GNA12: variants seen among roughly 807,000 people sequenced by gnomAD.
GNA12 encodes the protein guanine nucleotide-binding protein subunit alpha-12.
Under a neutral mutation model 26.0 loss-of-function variants are expected in GNA12, and 9 were observed. That is an observed-to-expected ratio of 0.35 (90% confidence interval 0.21 to 0.60). The LOEUF (loss-of-function observed/expected upper bound fraction) is 0.60, where lower values mean the gene tolerates loss of function less well. Among genes scored for constraint, GNA12 ranks in the 20% least tolerant of loss-of-function variants. The pLI is 0.78. For missense variants in GNA12, 405 were observed against 525.8 expected (o/e 0.77, Z 2.25); for synonymous variants, 264 against 219.6 (o/e 1.20, Z -1.79).
intron 1 of GNA12, among the ~76,000 whole-genome samples, chr7:2,822,946 T>A (rs1583309621): frequency 6.6e-6 from 1 of 152,214 alleles, no homozygotes; most frequent in African/African-American, 2.4e-5. Flanking sequence ...CTAGATTCAC[T>A]ATCAGTCCTC....
At chr7:2,739,583 G>C (rs1790395655) in intron 2 of GNA12, among the ~76,000 whole-genome samples, 1 of 152,206 alleles carries the variant, frequency 6.6e-6, no homozygotes, top group Non-Finnish European at 1.5e-5. Context: ...GTTGTGAACA[G>C]TGCTACAAAC....
chr7:2,738,931 G>A (rs953320564), intron 2 of GNA12, among the ~76,000 whole-genome samples: 13 of 151,992 alleles, frequency 8.6e-5, no homozygotes, highest in East Asian at 7.8e-4. Flanking sequence ...GTGTAGCCTC[G>A]TGGCTGTGCC....
Position 2,830,278 on chromosome 7 carries a change from T to C in GNA12, c.309+13575A>G, listed in dbSNP as rs982979181. On this transcript the variant is annotated intron_variant, in intron 1 of 3. Transcript: ENST00000275364. ...GCCTTGGGTGCTGTGTTCATGCTCATACGAGTCTCAATATTTCTTCCTCTG... is the reference window on the plus strand; with the variant it reads ...GCCTTGGGTGCTGTGTTCATGCTCACACGAGTCTCAATATTTCTTCCTCTG... 3.1e-4 allele frequency among the ~76,000 whole-genome samples: 47 copies of C among 152,216 alleles called. 1 individual carries two copies.
At chr7:2,736,634 T>C (rs1480079128) in intron 2 of GNA12, among the ~76,000 whole-genome samples, 4 of 152,208 alleles carry the variant, frequency 2.6e-5, no homozygotes, top group Non-Finnish European at 5.9e-5. Flanking sequence ...GGGCAGGACC[T>C]AGGCCGACAC....
intron 1 of GNA12, among the ~76,000 whole-genome samples, chr7:2,834,113 G>C (rs1277095409): frequency 1.3e-5 from 2 of 152,210 alleles, no homozygotes; most frequent in Non-Finnish European, 2.9e-5. Flanking sequence ...CTTTCAGCTA[G>C]AGTGCTGCGA....
intron 2 of GNA12, among the ~76,000 whole-genome samples, chr7:2,743,197 C>A (rs1241297464): frequency 2.6e-5 from 4 of 152,308 alleles, no homozygotes; most frequent in East Asian, 1.9e-4. Context: ...TGGGGGCAAA[C>A]TGAAAGGGGT....
At chr7:2,767,745 TG>T (rs1194930972) in intron 2 of GNA12, among the ~76,000 whole-genome samples, 9 of 152,276 alleles carry the variant, frequency 5.9e-5, no homozygotes, top group African/African-American at 2.2e-4. Context: ...AAAGATAACA[TG>T]GTACATATGC....
intron 1 of GNA12, among the ~76,000 whole-genome samples, chr7:2,829,760 C>T (rs573317530): frequency 6.6e-6 from 1 of 152,302 alleles, no homozygotes; most frequent in South Asian, 2.1e-4. Context: ...GCCATGTTGT[C>T]CCTTTCCAGC....
chr7:2,760,439 C>A (rs922184045), intron 2 of GNA12: 1 of 152,440 alleles, frequency 6.6e-6, no homozygotes, highest in Non-Finnish European at 1.5e-5. Flanking sequence ...CTTTCCCGGA[C>A]GCTGTGGTAA....
chr7:2,801,511 C>T (rs753555147), intron 1 of GNA12, among the ~76,000 whole-genome samples: 3 of 152,118 alleles, frequency 2.0e-5, no homozygotes, highest in Admixed American at 6.5e-5. Context: ...CTATTCCCAC[C>T]GCACAATCCG....
chr7:2,799,339 T>C (rs1179995446), intron 1 of GNA12, among the ~76,000 whole-genome samples: 1 of 152,102 alleles, frequency 6.6e-6, no homozygotes, highest in Non-Finnish European at 1.5e-5. Context: ...CAACACTTTG[T>C]GAGGCTGAGG....
rs1193087138 is a variant in GNA12, at chr7:2,729,066, G to C, written c.*2115C>G. ...AGGAAAACAAGCACTCATTGACAAG[G>C]CCGGACTACTCAGGAAGGTGTTTCA... On this transcript the variant is annotated 3_prime_UTR_variant, in exon 4 of 4. Transcript: ENST00000275364. The C allele has an allele frequency of 1.3e-5, 2 of 152,402 alleles. No individual in the cohort carries two copies. Among genetic ancestry groups the C allele is most frequent in the African/African-American group, 2.4e-5 (1 of 41,478 alleles). 9.4% of individuals were successfully genotyped at this position (152,402 alleles called of 1,614,324 possible).
At chr7:2,829,075 G>A (rs202159410) in intron 1 of GNA12, among the ~76,000 whole-genome samples, 644 of 49,428 alleles carry the variant, frequency 0.013, 5 homozygotes, top group African/African-American at 0.028. Context: ...CCTGTCTCAG[G>A]AAAAAAAAAA....
intron 1 of GNA12, among the ~76,000 whole-genome samples, chr7:2,803,131 T>C (rs1792854793): frequency 6.6e-6 from 1 of 152,114 alleles, no homozygotes; most frequent in South Asian, 2.1e-4. Context: ...TGGCTCCTGC[T>C]ATGGGAGAAC....
At chr7:2,817,133 T>G (rs1793235627) in intron 1 of GNA12, among the ~76,000 whole-genome samples, 1 of 152,202 alleles carries the variant, frequency 6.6e-6, no homozygotes, top group Non-Finnish European at 1.5e-5. Flanking sequence ...TGAGACAGAG[T>G]CTCGCTCTAT....
chr7:2,815,880 A>G (rs926843918), intron 1 of GNA12, among the ~76,000 whole-genome samples: 1 of 152,164 alleles, frequency 6.6e-6, no homozygotes, highest in African/African-American at 2.4e-5. Context: ...CAAACACTGA[A>G]TTTTTCATTC....
chr7:2,746,293 T>C (rs563971747), intron 2 of GNA12, among the ~76,000 whole-genome samples: 5 of 152,176 alleles, frequency 3.3e-5, no homozygotes, highest in African/African-American at 1.2e-4. Flanking sequence ...CCTCAGCAAA[T>C]GTAAAAGAAC....
intron 2 of GNA12, among the ~76,000 whole-genome samples, chr7:2,778,394 C>T (rs544189988): frequency 2.6e-5 from 4 of 152,292 alleles, no homozygotes; most frequent in South Asian, 4.1e-4. Flanking sequence ...TCTGTGCCAC[C>T]TCCCTCCTAT....
At chr7:2,761,621 G>A (rs1037132491) in intron 2 of GNA12, among the ~76,000 whole-genome samples, 5 of 152,096 alleles carry the variant, frequency 3.3e-5, no homozygotes, top group African/African-American at 7.2e-5. Context: ...GCACGTTCCC[G>A]AACCGGCCTC....
Sources: allele counts gnomAD v4.1 joint callset (sites outside exome capture counted in the v4.1 genomes callset), GRCh38; gene constraint gnomAD v4.1.1; transcripts MANE v1.5; gene names NCBI Gene and HGNC (gene_info 2026-07-23, HGNC 2026-07-21).